Variants in RTCA observed in about 807,000 individuals in gnomAD.
RTCA encodes the protein RNA 3'-terminal phosphate cyclase.
In RTCA, 37 loss-of-function variants were observed where a neutral mutation model predicts 46.1. The observed-to-expected ratio is 0.80, with a 90% CI of 0.62 to 1.06. The LOEUF (loss-of-function observed/expected upper bound fraction) is 1.06, where lower values mean the gene tolerates loss of function less well. Ranked by LOEUF, RTCA falls within the 50% of genes least tolerant of loss-of-function variation. The probability of loss-of-function intolerance (pLI) is 0.00; values close to 1 mark genes in which losing one functional copy is unlikely to be tolerated. For synonymous variants in RTCA, 164 were observed against 158.3 expected, an observed-to-expected ratio of 1.04 and a Z score of -0.27; for missense variants, 435 against 455.5, an observed-to-expected ratio of 0.95 and a Z score of 0.41.
intron 9 of RTCA, among the ~76,000 whole-genome samples, chr1:100,286,698 C>T (rs1367422521): frequency 6.6e-6 from 1 of 152,074 alleles, no homozygotes; most frequent in African/African-American, 2.4e-5. Flanking sequence ...TCTCCTCCTC[C>T]TTGCCCAGGT....
intron 3 of RTCA, among the ~76,000 whole-genome samples, chr1:100,268,746 C>T (rs1665921396): frequency 6.6e-6 from 1 of 152,060 alleles, no homozygotes; most frequent in Admixed American, 6.6e-5. Context: ...AGAGACTTCC[C>T]AGTTCAATAC....
At chr1:100,289,816 C>T (rs1667255773) in intron 10 of RTCA, among the ~76,000 whole-genome samples, 1 of 152,138 alleles carries the variant, frequency 6.6e-6, no homozygotes, top group Non-Finnish European at 1.5e-5. Flanking sequence ...GGGCAAGTTT[C>T]TTATCTTTCT....
At chr1:100,274,765 T>C (rs1666281169) in intron 5 of RTCA, 59 bp from the exon 6 acceptor site, 16 of 1,498,154 alleles carry the variant, frequency 1.1e-5, no homozygotes, top group Admixed American at 5.7e-5. Context: ...TATTGTAATA[T>C]AGAGCTTTGT....
At chr1:100,286,957 G>C (rs1667065175) in intron 9 of RTCA, 142 bp from the exon 10 acceptor site, 3 of 566,392 alleles carry the variant, frequency 5.3e-6, no homozygotes, top group Non-Finnish European at 8.8e-6. Flanking sequence ...CATCTTCTGA[G>C]TATGTCTGGA....
At chr1:100,274,011 C>G (rs1459770414) in intron 5 of RTCA, among the ~76,000 whole-genome samples, 1 of 152,136 alleles carries the variant, frequency 6.6e-6, no homozygotes, top group Non-Finnish European at 1.5e-5. Flanking sequence ...CTTGTTATTC[C>G]TTAAATATGC....
chr1:100,289,600 A>G (rs1295392004), intron 10 of RTCA, among the ~76,000 whole-genome samples: 1 of 152,184 alleles, frequency 6.6e-6, no homozygotes, highest in Admixed American at 6.5e-5. Flanking sequence ...TGTATTTATA[A>G]CTATTACTTG....
At chr1:100,273,229 C>T (rs1380804245) in intron 4 of RTCA, among the ~76,000 whole-genome samples, 165 bp from the exon 5 acceptor site, 1 of 152,118 alleles carries the variant, frequency 6.6e-6, no homozygotes, top group Non-Finnish European at 1.5e-5. Context: ...AGCTACATAT[C>T]AGTTTTTTTA....
intron 3 of RTCA, among the ~76,000 whole-genome samples, chr1:100,269,706 A>G (rs191245666): frequency 2.6e-5 from 4 of 152,268 alleles, no homozygotes; most frequent in Admixed American, 2.6e-4. Flanking sequence ...TTCTGGATAC[A>G]TGTGCAGAAT....
chr1:100,277,801 TTG>T (rs1666477146), intron 8 of RTCA, among the ~76,000 whole-genome samples: 1 of 150,824 alleles, frequency 6.6e-6, no homozygotes, highest in Admixed American at 6.6e-5. Flanking sequence ...ATTTTTTTTT[TTG>T]GGGGGGGGCA....
chr1:100,269,932 C>T (rs1372204658), intron 3 of RTCA, among the ~76,000 whole-genome samples: 1 of 152,196 alleles, frequency 6.6e-6, no homozygotes, highest in Admixed American at 6.5e-5. Flanking sequence ...TGAGAACATG[C>T]AGCGTTTGCT....
rs370027952 is a variant in RTCA, at chr1:100,267,623, C to G, written c.147-529C>G. On this transcript the variant is annotated intron_variant, in intron 2 of 10. Transcript: ENST00000370128. ...TTCACATGGTGGTTCCTCTGTGTAC[C>G]TTGCCCCTAGCGTCTCTGTATGTTC... 9 of 1,374,330 alleles carry G rather than the reference C, an allele frequency of 6.5e-6. No individual in the cohort carries two copies. The African/African-American group carries it at 1.0e-4, about 16-fold the overall frequency. 85.1% of individuals were successfully genotyped at this position (1,374,330 alleles called of 1,614,324 possible).
At chr1:100,276,246 C>G (rs868749841) in intron 7 of RTCA, among the ~76,000 whole-genome samples, 26 of 152,092 alleles carry the variant, frequency 1.7e-4, no homozygotes, top group Non-Finnish European at 2.2e-4. Flanking sequence ...TTGTAAGATC[C>G]CTTTCCCTTA....
intron 8 of RTCA, among the ~76,000 whole-genome samples, chr1:100,281,734 C>T (rs1666723341): frequency 6.9e-6 from 1 of 145,392 alleles, no homozygotes; most frequent in African/African-American, 2.5e-5. Context: ...TTTTTTTTTT[C>T]GAGACGGAAT....
At chr1:100,289,016 G>A (rs929469749) in intron 10 of RTCA, among the ~76,000 whole-genome samples, 1 of 152,028 alleles carries the variant, frequency 6.6e-6, no homozygotes, top group Non-Finnish European at 1.5e-5. Flanking sequence ...CAGAGACAGG[G>A]TTTCACTGTG....
chr1:100,281,456 C>T, intron 8 of RTCA: 1 of 378,074 alleles, frequency 2.6e-6, no homozygotes, highest in Non-Finnish European at 5.3e-6. Context: ...GTTTAAGGAT[C>T]CCTTCCAACT....
intron 8 of RTCA, among the ~76,000 whole-genome samples, chr1:100,282,000 C>T (rs529058337): frequency 2.0e-5 from 3 of 152,236 alleles, no homozygotes; most frequent in African/African-American, 4.8e-5. Context: ...GCCACCGTGC[C>T]GGCCTCATGG....
intron 3 of RTCA, 84 bp downstream of exon 3, chr1:100,268,379 A>G (rs190074871): frequency 9.2e-6 from 10 of 1,085,972 alleles, no homozygotes; most frequent in Admixed American, 5.6e-5. Flanking sequence ...CTTAATGTCT[A>G]TGAGCTTGTT....
intron 6 of RTCA, 95 bp from the exon 7 acceptor site, chr1:100,275,504 G>A: frequency 1.1e-6 from 1 of 885,590 alleles, no homozygotes; most frequent in East Asian, 2.9e-5. Flanking sequence ...GCATGTAAAA[G>A]CTACCAATTA....
At chr1:100,287,303 T>TA in intron 10 of RTCA, 100 bp downstream of exon 10, 1 of 742,712 alleles carries the variant, frequency 1.3e-6, no homozygotes, top group Non-Finnish European at 2.0e-6. Flanking sequence ...TCATAATTGC[T>TA]ATCACTGTTT....
Sources: allele counts gnomAD v4.1 joint callset (sites outside exome capture counted in the v4.1 genomes callset), GRCh38; gene constraint gnomAD v4.1.1; transcripts MANE v1.5; gene names NCBI Gene and HGNC (gene_info 2026-07-23, HGNC 2026-07-21).